LMO3: variants seen among roughly 807,000 people sequenced by gnomAD.
The protein encoded by LMO3 is LIM domain only 3.
LMO3 carries 2 observed loss-of-function variants against 15.8 expected under a neutral mutation model. That is an observed-to-expected ratio of 0.13 (90% CI 0.05 to 0.40). The LOEUF is 0.40. Ranked by LOEUF, LMO3 falls within the 10% of genes least tolerant of loss-of-function variation. The probability of loss-of-function intolerance (pLI) is 0.99; values close to 1 mark genes in which losing one functional copy is unlikely to be tolerated. For synonymous variants in LMO3, 62 were observed against 63.8 expected, an observed-to-expected ratio of 0.97 and a Z score of 0.13; for missense variants, 86 against 182.2, an observed-to-expected ratio of 0.47 and a Z score of 3.04.
At chr12:16,583,640 A>T (rs1275514740) in intron 2 of LMO3, among the ~76,000 whole-genome samples, 1 of 152,234 alleles carries the variant, frequency 6.6e-6, no homozygotes, top group Non-Finnish European at 1.5e-5. Context: ...CAAACCTGAT[A>T]AAAAACATCA....
chr12:16,609,284 C>T (rs534788385), upstream of LMO3: 35 of 152,280 alleles, frequency 2.3e-4, no homozygotes, highest in African/African-American at 8.4e-4. Flanking sequence ...TCAGCAAACT[C>T]CCTGTTTTCC....
intron 3 of LMO3, among the ~76,000 whole-genome samples, chr12:16,557,549 A>C (rs951753724): frequency 2.6e-5 from 4 of 152,048 alleles, no homozygotes; most frequent in African/African-American, 9.7e-5. Context: ...TGCTCTGTGA[A>C]TTTAACCAGA....
chr12:16,553,955 A>C (rs75871506), intron 3 of LMO3, among the ~76,000 whole-genome samples: 2,626 of 152,142 alleles, frequency 0.017, 109 homozygotes, highest in Admixed American at 0.086. Context: ...AAATAAACAT[A>C]ATCTTTCTTG....
chr12:16,553,348 A>G (rs574088656), intron 3 of LMO3, among the ~76,000 whole-genome samples: 3 of 152,306 alleles, frequency 2.0e-5, no homozygotes, highest in Non-Finnish European at 4.4e-5. Flanking sequence ...CTACAAGAAT[A>G]ATGTGAAGAT....
At chr12:16,608,155 T>C (rs945382760), upstream of LMO3, 1 of 151,310 alleles carries the variant, frequency 6.6e-6, no homozygotes, top group African/African-American at 2.4e-5. This position sits in a 1 kb window ranked among gnomAD's most constrained non-coding sequence, Gnocchi z 4.1. Context: ...TGTGTGCATA[T>C]GTGTGCATGC....
chr12:16,569,646 A>G (rs1942740906), intron 2 of LMO3, among the ~76,000 whole-genome samples: 1 of 152,194 alleles, frequency 6.6e-6, no homozygotes, highest in African/African-American at 2.4e-5. Context: ...TGGCAATTGT[A>G]CCAACATTTC....
chr12:16,556,749 C>T (rs1289157082), intron 3 of LMO3, among the ~76,000 whole-genome samples: 1 of 152,158 alleles, frequency 6.6e-6, no homozygotes, highest in East Asian at 1.9e-4. Flanking sequence ...TGAAAACCTT[C>T]TGTATCCTGG....
rs1238481295 is a variant in LMO3 at position 16,576,172 on chromosome 12, A to C, written c.207-15634T>G. Among the ~76,000 whole-genome samples, 1 of 152,156 alleles carries C rather than the reference A, an allele frequency of 6.6e-6. No individual in the cohort carries two copies. The highest frequency in any genetic ancestry group is 1.5e-5 in the Non-Finnish European group (1 of 68,036). On this transcript the variant is annotated intron_variant, in intron 2 of 3. Transcript: ENST00000537304. The surrounding 1 kb of genome is among the most constrained non-coding windows in gnomAD (Gnocchi z 4.1). ...CCCTGCTGTCCGCCTTCCACTCTGC[A>C]GCCGGTAGCCTTTCTATAACACAGC...
At position 16,598,614 on chromosome 12, in the gene LMO3, T is replaced by C. The variant is rs1322154352; in HGVS notation, c.206+2041A>G. 1.3e-5 allele frequency: 2 copies of C among 153,932 alleles called. No individual in the cohort carries two copies. Among genetic ancestry groups the C allele is most frequent in the South Asian group, 4.0e-4 (2 of 4,992 alleles). 9.5% of individuals were successfully genotyped at this position (153,932 alleles called of 1,614,324 possible). On this transcript the variant is annotated intron_variant, in intron 2 of 3. Coordinates refer to ENST00000537304, the MANE Select transcript of LMO3 (RefSeq NM_018640.5). This position sits in a 1 kb window ranked among gnomAD's most constrained non-coding sequence, Gnocchi z 4.3. ...ATTCTACAAAAAGCCACATACACTC[T>C]TATAGAGATACAAAAACTTCTGATA...
Position 16,560,609 on chromosome 12 carries a change from T to C in LMO3, c.207-71A>G. On this transcript the variant is annotated intron_variant, in intron 2 of 3. Coordinates refer to ENST00000537304, the MANE Select transcript of LMO3 (RefSeq NM_018640.5). The surrounding 1 kb of genome is among the most constrained non-coding windows in gnomAD (Gnocchi z 5.0). ...AATCTGAGATCGTGAAGAGAGATGA[T>C]GTTAATATACTCTGTAAAGCTACAA... 2.9e-6 allele frequency: 4 copies of C among 1,391,390 alleles called. No individual in the cohort carries two copies. The highest frequency in any genetic ancestry group is 4.0e-6 in the Non-Finnish European group (4 of 996,300). 86.2% of individuals were successfully genotyped at this position (1,391,390 alleles called of 1,614,324 possible). A position where few individuals can be genotyped will look rare whatever the true frequency, so the allele number is the denominator to read the frequency against.
intron 3 of LMO3, among the ~76,000 whole-genome samples, chr12:16,553,113 G>T (rs2137259572): frequency 6.6e-6 from 1 of 152,176 alleles, no homozygotes; most frequent in Middle Eastern, 3.4e-3. Context: ...TGTGCTAAAT[G>T]CTAAGCATGT....
intron 2 of LMO3, among the ~76,000 whole-genome samples, chr12:16,571,598 G>T (rs1287837976): frequency 6.6e-6 from 1 of 151,916 alleles, no homozygotes; most frequent in Non-Finnish European, 1.5e-5. Context: ...AAAATGTCCT[G>T]GGTTGGGTAG....
rs368730581 is a variant in LMO3 at position 16,591,586 on chromosome 12, G to T, written c.206+9069C>A. Among the ~76,000 whole-genome samples, 2 of 151,968 alleles carry T rather than the reference G, an allele frequency of 1.3e-5. No homozygotes were observed. The highest frequency in any genetic ancestry group is 3.9e-4 in the East Asian group (2 of 5,184). ...TTACAGTACCTAGAATATACAGAAT[G>T]ATCACATTTATTGAATGAAAAAATG... On this transcript the variant is annotated intron_variant, in intron 2 of 3. Transcript: ENST00000537304. The surrounding 1 kb of genome is among the most constrained non-coding windows in gnomAD (Gnocchi z 4.1).
At chr12:16,577,346 A>C (rs1307099053) in intron 2 of LMO3, among the ~76,000 whole-genome samples, 1 of 152,168 alleles carries the variant, frequency 6.6e-6, no homozygotes, top group Non-Finnish European at 1.5e-5. Flanking sequence ...CAATTCTTCC[A>C]TGAAGGCCTC....
chr12:16,571,704 G>A (rs939375476), intron 2 of LMO3, among the ~76,000 whole-genome samples: 12 of 151,992 alleles, frequency 7.9e-5, no homozygotes, highest in Admixed American at 2.6e-4. Flanking sequence ...ACTCAAATAT[G>A]CAGATTGAAT....
At chr12:16,605,356 T>C in intron 1 of LMO3, 3 of 1,168,186 alleles carry the variant, frequency 2.6e-6, no homozygotes, top group Non-Finnish European at 3.2e-6. Context: ...CTGCATCAGT[T>C]TGAATCTCAA....
intron 2 of LMO3, among the ~76,000 whole-genome samples, chr12:16,569,875 T>A (rs1201108795): frequency 3.3e-5 from 5 of 152,180 alleles, no homozygotes; most frequent in Non-Finnish European, 7.4e-5. Context: ...ATATTTTAAC[T>A]ATATCTTTAA....
chr12:16,590,670 T>A (rs1257494029), intron 2 of LMO3, among the ~76,000 whole-genome samples: 4 of 152,088 alleles, frequency 2.6e-5, no homozygotes, highest in Non-Finnish European at 5.9e-5. Context: ...GATCTTACTC[T>A]CATAAATGCT....
At chr12:16,606,519 T>G (rs1183533636), upstream of LMO3, 4 of 151,896 alleles carry the variant, frequency 2.6e-5, no homozygotes, top group African/African-American at 9.7e-5. Context: ...GATTTAAGAC[T>G]ATTTACCTCT....
Sources: gnomAD v4.1 joint callset for allele counts (sites outside exome capture counted in the v4.1 genomes callset) on GRCh38, gnomAD v4.1.1 for gene constraint, Gnocchi (gnomAD v3.1) non-coding constraint, MANE v1.5 for transcripts, NCBI Gene and HGNC (gene_info 2026-07-23, HGNC 2026-07-21) for gene names.